Variants in DHCR24 observed in about 807,000 individuals in gnomAD.
The protein encoded by DHCR24 is 24-dehydrocholesterol reductase.
Under a neutral mutation model 61.2 loss-of-function variants are expected in DHCR24, and 28 were observed. The observed-to-expected ratio is 0.46, with a 90% CI of 0.34 to 0.63. The LOEUF is 0.63. DHCR24 is among the 20% of genes least tolerant of loss of function. The pLI is 0.01. For synonymous variants in DHCR24, 261 were observed against 275.9 expected (o/e 0.95, Z 0.54); for missense variants, 538 against 679.1 (o/e 0.79, Z 2.31).
chr1:54,883,878 G>T lies in DHCR24; in HGVS notation c.232-105C>A. ...GAGCTGGGAATGATGCCTCCATCAGGCACTGGAGAAACAGAACAATGAAAA... is the reference window on the plus strand; with the variant it reads ...GAGCTGGGAATGATGCCTCCATCAGTCACTGGAGAAACAGAACAATGAAAA... On this transcript the variant is annotated intron_variant, in intron 1 of 8. Coordinates refer to ENST00000371269, the MANE Select transcript of DHCR24 (RefSeq NM_014762.4). This position sits in a 1 kb window ranked among gnomAD's most constrained non-coding sequence, Gnocchi z 4.3. 2 of 1,489,622 alleles carry T rather than the reference G, an allele frequency of 1.3e-6. No individual in the cohort carries two copies. Among genetic ancestry groups the T allele is most frequent in the Non-Finnish European group, 1.9e-6 (2 of 1,080,490 alleles). The allele number at this position is 1,489,622 out of a possible 1,614,324, so 92.3% of individuals were successfully genotyped here. A position where few individuals can be genotyped will look rare whatever the true frequency, so the allele number is the denominator to read the frequency against.
chr1:54,883,755 G>C lies in DHCR24; in HGVS notation c.250C>G (p.Gln84Glu), dbSNP rs751131414. Residue 84 changes from glutamine to glutamate, a missense_variant, in exon 2 of 9, where the codon CAG (glutamine) becomes GAG (glutamate). Physicochemically the swap from Gln to Glu is conservative, Grantham distance 29 (BLOSUM62 2). Transcript: ENST00000371269. This position sits in a 1 kb window ranked among gnomAD's most constrained non-coding sequence, Gnocchi z 4.3. ...IQKQVREWKE[Q>E]GSKTFMCTGR... ...GTGCACATGAAGGTCTTGCTACCCT[G>C]CTCCTTCCATTCCCGCACCTGCAAC... 5.6e-6 allele frequency: 9 copies of C among 1,614,070 alleles called. No homozygotes were observed. The African/African-American group carries it at 1.1e-4, about 19-fold the overall frequency.
intron 1 of DHCR24, among the ~76,000 whole-genome samples, chr1:54,884,925 G>T (rs1647084584): frequency 6.6e-6 from 1 of 152,198 alleles, no homozygotes; most frequent in African/African-American, 2.4e-5. Flanking sequence ...CCAACAGATG[G>T]CAGAGGGATG....
intron 6 of DHCR24, among the ~76,000 whole-genome samples, chr1:54,857,925 G>A (rs775785770): frequency 6.6e-6 from 1 of 152,150 alleles, no homozygotes; most frequent in Non-Finnish European, 1.5e-5. Context: ...CACCCAGAAT[G>A]CAGCTTGTTA....
At chr1:54,854,930 C>A (rs1055539354) in intron 6 of DHCR24, among the ~76,000 whole-genome samples, 4 of 152,166 alleles carry the variant, frequency 2.6e-5, no homozygotes, top group Admixed American at 2.6e-4. Flanking sequence ...TGACGATGGC[C>A]CCCTCTTCCC....
At chr1:54,882,840 G>C (rs536614141) in intron 2 of DHCR24, among the ~76,000 whole-genome samples, 1 of 152,108 alleles carries the variant, frequency 6.6e-6, no homozygotes, top group African/African-American at 2.4e-5. Flanking sequence ...TGTGGGGGGC[G>C]GGTAGGGGAA....
chr1:54,874,552 A>T (rs1411117015), intron 4 of DHCR24, among the ~76,000 whole-genome samples: 1 of 152,198 alleles, frequency 6.6e-6, no homozygotes, highest in Non-Finnish European at 1.5e-5. Flanking sequence ...TTACACTCTT[A>T]TGATGTTTGC....
rs776964320 is a variant in DHCR24, at chr1:54,883,581, C to CA, written c.387+36dup. The CA allele has an allele frequency of 6.2e-7, 1 of 1,613,808 alleles. No individual in the cohort carries two copies. The highest frequency in any genetic ancestry group is 2.2e-5 in the East Asian group (1 of 44,892). On this transcript the variant is annotated intron_variant, in intron 2 of 8. Coordinates refer to ENST00000371269, the MANE Select transcript of DHCR24 (RefSeq NM_014762.4). The surrounding 1 kb of genome is among the most constrained non-coding windows in gnomAD (Gnocchi z 4.3). ...GTCACTTGCACCAGGGGCAGTGCCCCACCTGCTCCCAGAGCCCGGAAAAGT... is the reference window on the plus strand; with the variant it reads ...GTCACTTGCACCAGGGGCAGTGCCCCAACCTGCTCCCAGAGCCCGGAAAAGT...
Position 54,855,611 on chromosome 1 carries a change from G to A in DHCR24, c.1021-1377C>T, listed in dbSNP as rs74072038. On this transcript the variant is annotated intron_variant, in intron 6 of 8. Transcript: ENST00000371269. The stretch of plus-strand genomic sequence containing the variant: ...GAAAGGGTCCACATCAGACTAGGGG[G>A]CACGGTGACTCCCCAAAGCAGCCAT... 3.6e-3 allele frequency among the ~76,000 whole-genome samples: 552 copies of A among 152,234 alleles called. 2 individuals are homozygous for A. Among genetic ancestry groups the A allele is most frequent in the African/African-American group, 0.011 (454 of 41,540 alleles).
At chr1:54,876,823 T>C (rs1647036249) in intron 2 of DHCR24, among the ~76,000 whole-genome samples, 1 of 151,856 alleles carries the variant, frequency 6.6e-6, no homozygotes, top group Non-Finnish European at 1.5e-5. Context: ...TTTGCCAAGA[T>C]TGAGGATGTG....
chr1:54,873,133 C>T (rs1647008570), intron 4 of DHCR24, among the ~76,000 whole-genome samples: 1 of 152,232 alleles, frequency 6.6e-6, no homozygotes, highest in Non-Finnish European at 1.5e-5. Flanking sequence ...CTTTTACTTA[C>T]ACGATTACGT....
At chr1:54,866,682 G>A (rs1477945693) in intron 5 of DHCR24, among the ~76,000 whole-genome samples, 1 of 152,124 alleles carries the variant, frequency 6.6e-6, no homozygotes, top group African/African-American at 2.4e-5. Flanking sequence ...CTACAGCCAG[G>A]CAACCCTTTG....
Position 54,854,188 on chromosome 1 carries a change from C to T in DHCR24, c.1067G>A (p.Gly356Asp). The T allele has an allele frequency of 6.2e-7, 1 of 1,614,010 alleles. No homozygotes were observed. The highest frequency in any genetic ancestry group is 8.5e-7 in the Non-Finnish European group (1 of 1,179,976). Residue 356 changes from glycine to aspartate, a missense_variant, in exon 7 of 9, where the codon GGC becomes GAC. Gly to Asp is a moderately conservative substitution (Grantham distance 94). Coordinates refer to ENST00000371269, the MANE Select transcript of DHCR24 (RefSeq NM_014762.4). ...GGAGATCTTGGGAGGCACCATCCAG[C>T]CAAAGAGGTAGCGGAAGATGGGGTT... Reference protein sequence around the residue: ...GNNPIFRYLFGWMVPPKISLL... With the variant: ...GNNPIFRYLFDWMVPPKISLL...
In DHCR24 at chr1:54,875,922, C is replaced by T. The variant is rs199780171; in HGVS notation, c.493+20G>A. 60 of 1,605,180 alleles carry T rather than the reference C, an allele frequency of 3.7e-5. No individual in the cohort carries two copies. Among genetic ancestry groups the T allele is most frequent in the South Asian group, 5.5e-5 (5 of 90,850 alleles). On this transcript the variant is annotated intron_variant, in intron 3 of 8. Transcript: ENST00000371269. ...CTAGGACCGTGTGTCTCTTCTTGCC[C>T]GTTAATATAGGGTCCTCACCCACTG... is the stretch of plus-strand genomic sequence containing the variant.
In DHCR24 at chr1:54,852,268, C is replaced by A. The variant is rs1472862946; in HGVS notation, c.1516G>T (p.Val506Leu). 6.2e-7 allele frequency: 1 copy of A among 1,614,226 alleles called. No homozygotes were observed. Among genetic ancestry groups the A allele is most frequent in the East Asian group, 2.2e-5 (1 of 44,882 alleles). ...GCGGCCTTGCAGATCTTGTCGTACA[C>A]CTCGGGGAAGGCGTCCTGGCAACCC... ...KLGCQDAFPE[V>L]YDKICKAARH Residue 506 changes from valine (V) to leucine (L), a missense_variant, in exon 9 of 9, where the codon GTG becomes TTG. Val to Leu is a conservative substitution (Grantham distance 32). Transcript: ENST00000371269.
intron 6 of DHCR24, among the ~76,000 whole-genome samples, chr1:54,855,816 T>C (rs1470032387): frequency 1.3e-5 from 2 of 151,948 alleles, no homozygotes; most frequent in Non-Finnish European, 2.9e-5. Flanking sequence ...TTGGTTACCT[T>C]TGGAAGACCT....
At chr1:54,886,578 C>G in intron 1 of DHCR24, 1 of 1,397,694 alleles carries the variant, frequency 7.2e-7, no homozygotes, top group South Asian at 1.2e-5. Flanking sequence ...CTCCCGGAAG[C>G]CTTTCCTTCT....
chr1:54,883,793 G>T lies in DHCR24; in HGVS notation c.232-20C>A. The T allele has an allele frequency of 1.9e-6, 3 of 1,613,618 alleles. No individual in the cohort carries two copies. The highest frequency in any genetic ancestry group is 2.5e-6 in the Non-Finnish European group (3 of 1,179,968). On this transcript the variant is annotated intron_variant, in intron 1 of 8. Transcript: ENST00000371269. The surrounding 1 kb of genome is among the most constrained non-coding windows in gnomAD (Gnocchi z 4.3). ...CCGCACCTGCAACCACAGGACAGAGGGTGAGCTGGCCCCACTGGGAATCCC... is the reference window on the plus strand; with the variant it reads ...CCGCACCTGCAACCACAGGACAGAGTGTGAGCTGGCCCCACTGGGAATCCC...
chr1:54,854,400 C>G (rs551680458), intron 6 of DHCR24, among the ~76,000 whole-genome samples, 166 bp from the exon 7 acceptor site: 1 of 152,342 alleles, frequency 6.6e-6, no homozygotes, highest in African/African-American at 2.4e-5. Flanking sequence ...CTTTACCAGT[C>G]CAATCTAGGT....
intron 2 of DHCR24, among the ~76,000 whole-genome samples, chr1:54,879,322 G>GAAA (rs58945175): frequency 1.8e-4 from 19 of 108,532 alleles, no homozygotes; most frequent in African/African-American, 6.6e-4. Flanking sequence ...GACTCCATCT[G>GAAA]AAAAAAAAAA....
Sources: allele counts gnomAD v4.1 joint callset (sites outside exome capture counted in the v4.1 genomes callset), GRCh38; gene constraint gnomAD v4.1.1; non-coding constraint Gnocchi (gnomAD v3.1); transcripts MANE v1.5; gene names NCBI Gene and HGNC (gene_info 2026-07-23, HGNC 2026-07-21).